Variants in KCNK10 observed in about 807,000 individuals in gnomAD.
KCNK10 encodes potassium channel subfamily K member 10.
Under a neutral mutation model 47.7 loss-of-function variants are expected in KCNK10, and 25 were observed. The ratio of observed to expected loss-of-function variants is 0.52; its 90% CI spans 0.38 to 0.73. The LOEUF is 0.73. Among genes scored for constraint, KCNK10 ranks in the 30% least tolerant of loss-of-function variants. The pLI, the probability that KCNK10 is intolerant of heterozygous loss-of-function variation, is 0.00. For missense variants in KCNK10, 563 were observed against 714.5 expected, an observed-to-expected ratio of 0.79 and a Z score of 2.42; for synonymous variants, 303 against 285.6, an observed-to-expected ratio of 1.06 and a Z score of -0.61.
At chr14:88,258,392 GCAACTCT>G (rs1228146083) in intron 2 of KCNK10, among the ~76,000 whole-genome samples, 4 of 151,000 alleles carry the variant, frequency 2.6e-5, no homozygotes, top group African/African-American at 7.3e-5. Flanking sequence ...CCAGGTTCAA[GCAACTCT>G]CCTGCCTCAG....
chr14:88,198,324 T>C (rs969725864), intron 4 of KCNK10, among the ~76,000 whole-genome samples: 1 of 152,180 alleles, frequency 6.6e-6, no homozygotes, highest in Admixed American at 6.5e-5. Context: ...ATGGGACACC[T>C]GCTGATGAGC....
At chr14:88,324,077 G>A (rs1330063032), upstream of KCNK10, among the ~76,000 whole-genome samples, 2 of 152,222 alleles carry the variant, frequency 1.3e-5, no homozygotes, top group Non-Finnish European at 2.9e-5. Flanking sequence ...AAGGAGGCTT[G>A]AGAGAGGCAC....
chr14:88,285,977 C>A (rs368016394), intron 1 of KCNK10, among the ~76,000 whole-genome samples: 1 of 152,128 alleles, frequency 6.6e-6, no homozygotes, highest in Non-Finnish European at 1.5e-5. Context: ...AAGACCACAC[C>A]GCTTCTGCCT....
chr14:88,214,793 T>A (rs762240259), intron 4 of KCNK10, among the ~76,000 whole-genome samples: 2 of 152,186 alleles, frequency 1.3e-5, no homozygotes, highest in South Asian at 4.1e-4. Context: ...AAAACTAAAA[T>A]CCTTTTAAAG....
chr14:88,321,725 T>C (rs1373711163), intron 1 of KCNK10, among the ~76,000 whole-genome samples: 2 of 152,232 alleles, frequency 1.3e-5, no homozygotes. Context: ...TGGTTTCTTC[T>C]TTCCAGTCTG....
chr14:88,199,171 C>T (rs895847869), intron 4 of KCNK10, among the ~76,000 whole-genome samples: 8 of 152,066 alleles, frequency 5.3e-5, no homozygotes, highest in Non-Finnish European at 8.8e-5. Context: ...CCACCCGCCT[C>T]GGTCTGCCAA....
intron 1 of KCNK10, among the ~76,000 whole-genome samples, chr14:88,309,421 G>C (rs1019996486): frequency 2.6e-5 from 4 of 152,064 alleles, no homozygotes; most frequent in African/African-American, 9.7e-5. Context: ...GGGCAACATG[G>C]CAAAATCCCG....
chr14:88,259,715 C>G (rs1200463139), intron 2 of KCNK10, among the ~76,000 whole-genome samples: 1 of 152,202 alleles, frequency 6.6e-6, no homozygotes, highest in African/African-American at 2.4e-5. Flanking sequence ...CCTTGGCCCC[C>G]CAAGCTGCTG....
intron 3 of KCNK10, among the ~76,000 whole-genome samples, chr14:88,230,987 T>C (rs533608060): frequency 4.6e-5 from 7 of 152,218 alleles, no homozygotes; most frequent in African/African-American, 1.2e-4. Flanking sequence ...AGGTTAAACA[T>C]CCCATCTAAA....
At chr14:88,273,284 T>C (rs1481082258) in intron 1 of KCNK10, among the ~76,000 whole-genome samples, 1 of 152,148 alleles carries the variant, frequency 6.6e-6, no homozygotes, top group Non-Finnish European at 1.5e-5. Flanking sequence ...TCAGAGATGG[T>C]AGATCTTATC....
upstream of KCNK10, chr14:88,323,657 G>T (rs1490341113): frequency 6.6e-6 from 1 of 150,942 alleles, no homozygotes; most frequent in African/African-American, 2.4e-5. Flanking sequence ...TGGCTCGGCC[G>T]GCCGGCGGGC....
chr14:88,260,544 G>A lies in KCNK10; in HGVS notation c.402+2658C>T, dbSNP rs533336472. On this transcript the variant is annotated intron_variant, in intron 2 of 6. Transcript: ENST00000319231. The surrounding 1 kb of genome is among the most constrained non-coding windows in gnomAD (Gnocchi z 4.5). ...TATTATAAACCAAGATCTACTTAAA[G>A]GGCCTGTAGACTATTTGGATGAGAG... is the stretch of plus-strand genomic sequence containing the variant. Among the ~76,000 whole-genome samples, 7 of 152,138 alleles carry A rather than the reference G, an allele frequency of 4.6e-5. No homozygotes were observed. Among genetic ancestry groups the A allele is most frequent in the Admixed American group, 6.5e-5 (1 of 15,276 alleles).
At chr14:88,252,376 A>G (rs8014333) in intron 2 of KCNK10, among the ~76,000 whole-genome samples, 11,763 of 152,254 alleles carry the variant, frequency 0.077, 1,160 homozygotes, top group African/African-American at 0.23. Flanking sequence ...TAGGCAATCA[A>G]CAAGTTTGTT....
chr14:88,234,304 A>T (rs1055903133), intron 3 of KCNK10, among the ~76,000 whole-genome samples: 1 of 152,226 alleles, frequency 6.6e-6, no homozygotes, highest in African/African-American at 2.4e-5. Flanking sequence ...ACACCAATAT[A>T]TTTGCAGATT....
At chr14:88,272,120 T>G (rs1340075108) in intron 1 of KCNK10, among the ~76,000 whole-genome samples, 1 of 152,084 alleles carries the variant, frequency 6.6e-6, no homozygotes, top group East Asian at 1.9e-4. Flanking sequence ...AGACAGTCCC[T>G]TCTCCAAGCC....
At position 88,322,812 on chromosome 14, in the gene KCNK10, A is replaced by G. The variant is rs749257687; in HGVS notation, c.-14T>C. On this transcript the variant is annotated 5_prime_UTR_variant, in exon 1 of 7. Transcript: ENST00000319231. The surrounding 1 kb of genome is among the most constrained non-coding windows in gnomAD (Gnocchi z 4.8). ...TGGAAATTTCATTGCTTCGTTGCCC[A>G]GAAGGGGAAGAAATGAAAAGAACCC... 9 of 1,614,202 alleles carry G rather than the reference A, an allele frequency of 5.6e-6. No individual in the cohort carries two copies. In the South Asian group the frequency reaches 8.8e-5, roughly 16 times the overall value.
intron 2 of KCNK10, among the ~76,000 whole-genome samples, chr14:88,245,796 A>T (rs1010752374): frequency 6.6e-6 from 1 of 152,320 alleles, no homozygotes; most frequent in East Asian, 1.9e-4. Context: ...CAGTTGATCT[A>T]TTGTCCAAAG....
chr14:88,315,409 C>T lies in KCNK10; in HGVS notation c.52+7338G>A, dbSNP rs1034571860. On this transcript the variant is annotated intron_variant, in intron 1 of 6. Transcript: ENST00000319231. ...TTTCCTCCCATCAATTTTTCTTAAA[C>T]ACTTGGTGCCTGACTTTTGTCTCAG... Among the ~76,000 whole-genome samples, 58 of 152,168 alleles carry T rather than the reference C, an allele frequency of 3.8e-4. 1 individual carries two copies. Among genetic ancestry groups the T allele is most frequent in the Admixed American group, 3.5e-3 (54 of 15,280 alleles).
intron 1 of KCNK10, among the ~76,000 whole-genome samples, chr14:88,275,075 C>A (rs1050435757): frequency 2.0e-5 from 3 of 152,180 alleles, no homozygotes; most frequent in African/African-American, 7.2e-5. Flanking sequence ...CCCCTTCCTG[C>A]GCCTTTTCTC....
Sources: gnomAD v4.1 joint callset for allele counts (sites outside exome capture counted in the v4.1 genomes callset) on GRCh38, gnomAD v4.1.1 for gene constraint, Gnocchi (gnomAD v3.1) non-coding constraint, MANE v1.5 for transcripts, NCBI Gene and HGNC (gene_info 2026-07-23, HGNC 2026-07-21) for gene names.